The following MSRB3 variants were observed in gnomAD, a reference collection of about 807,000 sequenced individuals.
The protein encoded by MSRB3 is methionine sulfoxide reductase B3.
In MSRB3, 13 loss-of-function variants were observed where a neutral mutation model predicts 21.0. The observed-to-expected ratio is 0.62, with a 90% CI of 0.40 to 0.98. The LOEUF (loss-of-function observed/expected upper bound fraction) is 0.98, where lower values mean the gene tolerates loss of function less well. Ranked by LOEUF, MSRB3 falls within the 50% of genes least tolerant of loss-of-function variation. The pLI, the probability that MSRB3 is intolerant of heterozygous loss-of-function variation, is 0.00. For missense variants in MSRB3, 199 were observed against 230.3 expected, an observed-to-expected ratio of 0.86 and a Z score of 0.88; for synonymous variants, 87 against 88.6, an observed-to-expected ratio of 0.98 and a Z score of 0.10.
intron 5 of MSRB3, among the ~76,000 whole-genome samples, chr12:65,415,569 A>G (rs1880927215): frequency 6.6e-6 from 1 of 152,196 alleles, no homozygotes; most frequent in African/African-American, 2.4e-5. Context: ...GTCTTACAAG[A>G]GAATTTAGGG....
At chr12:65,440,766 G>A (rs140156007) in intron 5 of MSRB3, among the ~76,000 whole-genome samples, 41 of 151,956 alleles carry the variant, frequency 2.7e-4, no homozygotes, top group East Asian at 2.3e-3. Context: ...GAGAGGTGAT[G>A]TTTATTACAA....
intron 2 of MSRB3, among the ~76,000 whole-genome samples, chr12:65,313,138 T>C (rs1874082804): frequency 6.6e-6 from 1 of 152,106 alleles, no homozygotes; most frequent in African/African-American, 2.4e-5. Context: ...AGGCGGTGAA[T>C]AAGTACGTAG....
chr12:65,278,693 C>G lies in MSRB3; in HGVS notation c.-224C>G. ...CAGGAATTTCCCGTCATGCCTCCCG[C>G]CGCCCCGTCCGTCGCCCGGAGCCGG... On this transcript the variant is annotated 5_prime_UTR_variant, in exon 1 of 7. Transcript: ENST00000308259. The G allele has an allele frequency of 6.1e-6, 8 of 1,314,836 alleles. No homozygotes were observed. In the South Asian group the frequency reaches 1.0e-4, roughly 17 times the overall value. The allele number at this position is 1,314,836 out of a possible 1,614,324, so 81.4% of individuals were successfully genotyped here.
rs61921469 is a variant in MSRB3 at position 65,289,598 on chromosome 12, T to C, written c.-52+10733T>C. ...TAGGTGCAAGGGATACATGTGCAGG[T>C]TTGTTACATGGGTAAAGTACATGTC... is the stretch of plus-strand genomic sequence containing the variant. On this transcript the variant is annotated intron_variant, in intron 1 of 6. Coordinates refer to ENST00000308259, the MANE Select transcript of MSRB3 (RefSeq NM_001031679.3). Among the ~76,000 whole-genome samples the C allele has an allele frequency of 3.2e-3, 483 of 152,340 alleles. 1 individual carries two copies. The highest frequency in any genetic ancestry group is 5.4e-3 in the Non-Finnish European group (368 of 68,034).
At chr12:65,297,150 A>G (rs61921471) in intron 1 of MSRB3, among the ~76,000 whole-genome samples, 3 of 152,130 alleles carry the variant, frequency 2.0e-5, no homozygotes, top group Non-Finnish European at 4.4e-5. Flanking sequence ...GTTCTCACTT[A>G]TAAGTGGGGG....
chr12:65,338,391 A>G (rs904617909), intron 4 of MSRB3, among the ~76,000 whole-genome samples: 1 of 152,174 alleles, frequency 6.6e-6, no homozygotes, highest in African/African-American at 2.4e-5. Flanking sequence ...TGAATTTTGA[A>G]TATTTATTAT....
intron 1 of MSRB3, among the ~76,000 whole-genome samples, chr12:65,303,636 A>G (rs1032581116): frequency 1.3e-5 from 2 of 152,224 alleles, no homozygotes; most frequent in Non-Finnish European, 2.9e-5. Flanking sequence ...CACTCAATAA[A>G]TGAATGACTC....
At chr12:65,458,628 TTA>T (rs1305532814) in intron 6 of MSRB3, among the ~76,000 whole-genome samples, 1 of 152,192 alleles carries the variant, frequency 6.6e-6, no homozygotes, top group Non-Finnish European at 1.5e-5. Context: ...GGGTACCCTG[TTA>T]TATTCTGATT....
chr12:65,291,026 G>C (rs1348441304), intron 1 of MSRB3, among the ~76,000 whole-genome samples: 1 of 151,940 alleles, frequency 6.6e-6, no homozygotes, highest in Non-Finnish European at 1.5e-5. Context: ...TTCTTTTACA[G>C]CTTTAATTTT....
intron 5 of MSRB3, among the ~76,000 whole-genome samples, chr12:65,450,117 T>TA (rs34599763): frequency 0.08 from 12,032 of 150,622 alleles, 556 homozygotes; most frequent in Non-Finnish European, 0.1. Flanking sequence ...TGCTGCAATC[T>TA]AAAAAAAAAA....
intron 5 of MSRB3, among the ~76,000 whole-genome samples, chr12:65,425,115 C>G (rs1683672933): frequency 4.5e-5 from 1 of 21,988 alleles, no homozygotes; most frequent in African/African-American, 1.4e-4. Flanking sequence ...TAATGGCCTT[C>G]TTTGTCTCAT....
intron 5 of MSRB3, chr12:65,419,238 C>G: frequency 1.4e-6 from 1 of 723,136 alleles, no homozygotes; most frequent in Non-Finnish European, 2.5e-6. Flanking sequence ...CTCAGTTCTT[C>G]CGAGCCAGCT....
intron 4 of MSRB3, among the ~76,000 whole-genome samples, chr12:65,330,314 T>C (rs1875327554): frequency 6.6e-6 from 1 of 152,266 alleles, no homozygotes; most frequent in Admixed American, 6.5e-5. Flanking sequence ...TGATGTGATA[T>C]TGCCTCTATT....
chr12:65,443,025 AAGGGAAAT>A (rs1228850319), intron 5 of MSRB3, among the ~76,000 whole-genome samples: 1 of 152,092 alleles, frequency 6.6e-6, no homozygotes, highest in Non-Finnish European at 1.5e-5. Context: ...TGCCTTCACA[AAGGGAAAT>A]AGGGAAGCTG....
At chr12:65,340,966 CTG>C (rs1056272178) in intron 4 of MSRB3, among the ~76,000 whole-genome samples, 1 of 152,006 alleles carries the variant, frequency 6.6e-6, no homozygotes, top group African/African-American at 2.4e-5. Flanking sequence ...CTATTATAAA[CTG>C]TATCAATTAA....
chr12:65,421,789 C>CA (rs1399198118), intron 5 of MSRB3, among the ~76,000 whole-genome samples: 1 of 152,136 alleles, frequency 6.6e-6, no homozygotes, highest in Non-Finnish European at 1.5e-5. Context: ...TTTAAGTACA[C>CA]AGACTAGTGA....
chr12:65,429,837 T>C (rs897503118), intron 5 of MSRB3, among the ~76,000 whole-genome samples: 3 of 152,180 alleles, frequency 2.0e-5, no homozygotes, highest in Non-Finnish European at 4.4e-5. Context: ...CATACAGACC[T>C]CTAAGTAAAG....
intron 4 of MSRB3, among the ~76,000 whole-genome samples, chr12:65,355,752 A>AG (rs1456273034): frequency 1.3e-5 from 2 of 151,784 alleles, no homozygotes; most frequent in East Asian, 3.9e-4. Flanking sequence ...CTGGAAGACC[A>AG]CCCAGAAGTC....
At chr12:65,419,106 G>C (rs1881137942) in intron 5 of MSRB3, 1 of 687,138 alleles carries the variant, frequency 1.5e-6, no homozygotes, top group African/African-American at 1.8e-5. Flanking sequence ...CCGAGGACTG[G>C]GCTGTATGTT....
Sources: gnomAD v4.1 joint callset for allele counts (sites outside exome capture counted in the v4.1 genomes callset) on GRCh38, gnomAD v4.1.1 for gene constraint, MANE v1.5 for transcripts, NCBI Gene and HGNC (gene_info 2026-07-23, HGNC 2026-07-21) for gene names.